HSPH1: variants seen among roughly 807,000 people sequenced by gnomAD.
HSPH1 encodes heat shock protein 105 kDa.
A neutral mutation model predicts 100.0 loss-of-function variants in HSPH1; 40 were observed. The observed-to-expected ratio is 0.40, with a 90% confidence interval of 0.31 to 0.52. HSPH1 has a LOEUF of 0.52. HSPH1 is among the 20% of genes least tolerant of loss of function. HSPH1 has a pLI of 0.54. For missense variants in HSPH1, 876 were observed against 1,015.1 expected (o/e 0.86, Z 1.86); for synonymous variants, 403 against 344.0 (o/e 1.17, Z -1.90).
At chr13:31,140,163 A>C in intron 14 of HSPH1, 21 bp downstream of exon 14, 1 of 1,600,786 alleles carries the variant, frequency 6.2e-7, no homozygotes. Flanking sequence ...ATCTGAACAA[A>C]AACAGAGCTC....
At chr13:31,146,706 G>C (rs1956275982) in intron 10 of HSPH1, among the ~76,000 whole-genome samples, 1 of 152,110 alleles carries the variant, frequency 6.6e-6, no homozygotes, top group Admixed American at 6.5e-5. Context: ...CTTGAATCCT[G>C]GCTGTGTGAC....
Position 31,137,124 on chromosome 13 carries a change from G to A in HSPH1, c.*194C>T. ...TTCACAATTCCACAGGAATCTGAAA[G>A]TTACCAAGGCAATTTTCCCTTTTAG... On this transcript the variant is annotated 3_prime_UTR_variant, in exon 18 of 18. Transcript: ENST00000320027. The A allele has an allele frequency of 1.4e-6, 1 of 735,662 alleles. No individual in the cohort carries two copies. The allele number at this position is 735,662 out of a possible 1,614,324, so 45.6% of individuals were successfully genotyped here.
chr13:31,155,340 A>G (rs1273727701), intron 3 of HSPH1, among the ~76,000 whole-genome samples, 174 bp downstream of exon 3: 1 of 152,242 alleles, frequency 6.6e-6, no homozygotes, highest in African/African-American at 2.4e-5. Context: ...TACCATTTGA[A>G]TAATATTCAA....
intron 6 of HSPH1, 180 bp from the exon 7 acceptor site, chr13:31,151,371 T>A: frequency 1.4e-6 from 1 of 697,730 alleles, no homozygotes; most frequent in Non-Finnish European, 2.3e-6. Flanking sequence ...TTTAAATGAC[T>A]ACATAGAAAA....
At position 31,148,439 on chromosome 13, in the gene HSPH1, G is replaced by A. The variant is rs569890209; in HGVS notation, c.1179C>T (p.Ser393=). ...LSPAFKVREF[S]VTDAVPFPIS... is the part of the protein sequence containing the mutation. ...TTGGAAAAGGAACTGCATCTGTGAC[G>A]GAAAATTCTCTAACTTTAAATGCCG... is the stretch of plus-strand genomic sequence containing the variant. Residue 393 remains serine (S), a synonymous_variant, in exon 9 of 18, where the codon TCC becomes TCT. Transcript: ENST00000320027. 1.3e-5 allele frequency: 20 copies of A among 1,570,452 alleles called. No homozygotes were observed. Among genetic ancestry groups the A allele is most frequent in the East Asian group, 7.0e-5 (3 of 42,850 alleles).
intron 13 of HSPH1, chr13:31,140,553 T>TAAAAAAAAA (rs35691238): frequency 1.3e-5 from 2 of 157,694 alleles, no homozygotes; most frequent in African/African-American, 2.7e-5. Context: ...TATTTAATGC[T>TAAAAAAAAA]AAAAAAAAAA....
In HSPH1 at chr13:31,152,946, G is replaced by A. The variant is rs151291094; in HGVS notation, c.435C>T (p.Pro145=). The A allele has an allele frequency of 8.6e-5, 139 of 1,609,620 alleles. No homozygotes were observed. The African/African-American group carries it at 1.7e-3, about 20-fold the overall frequency. ...GCCTCTCAGCATCTGTAAAGAAGGA[G>A]GGGACCTACAAACAAACAAAAAATT... The part of the protein sequence containing the change: ...KPVTDCVISV[P]SFFTDAERRS... The change falls in exon 5 of 18, where the codon CCC becomes CCT. Residue 145 remains proline (P), a synonymous_variant. Transcript: ENST00000320027.
chr13:31,161,683 T>C lies in HSPH1; in HGVS notation c.-101A>G. On this transcript the variant is annotated 5_prime_UTR_variant, in exon 1 of 18. Transcript: ENST00000320027. ...GCTTTCTGCCCTGGCCGCGTTCTGC[T>C]CCGGCCCGCGGGGTCTGGCCGTTCC... The C allele has an allele frequency of 6.4e-7, 1 of 1,553,782 alleles. No individual in the cohort carries two copies. Among genetic ancestry groups the C allele is most frequent in the Non-Finnish European group, 8.6e-7 (1 of 1,156,402 alleles).
chr13:31,137,078 G>A lies in HSPH1; in HGVS notation c.*240C>T, dbSNP rs778632415. On this transcript the variant is annotated 3_prime_UTR_variant, in exon 18 of 18. Transcript: ENST00000320027. Reference sequence around the variant, plus strand: ...CCTCAGTGATGCAAATGGTGAGACTGCACAGAAAGCTTAGTATGAATTCAC... The same window carrying A: ...CCTCAGTGATGCAAATGGTGAGACTACACAGAAAGCTTAGTATGAATTCAC... The A allele has an allele frequency of 1.5e-6, 1 of 667,092 alleles. No individual in the cohort carries two copies. The highest frequency in any genetic ancestry group is 1.5e-5 in the South Asian group (1 of 68,384). 41.3% of individuals were successfully genotyped at this position (667,092 alleles called of 1,614,324 possible). A position where few individuals can be genotyped will look rare whatever the true frequency, so the allele number is the denominator to read the frequency against.
chr13:31,139,449 A>AT (rs1398109450), intron 14 of HSPH1, among the ~76,000 whole-genome samples: 1 of 152,038 alleles, frequency 6.6e-6, no homozygotes, highest in Non-Finnish European at 1.5e-5. Flanking sequence ...ACATGAAAAA[A>AT]TCATTCCTAA....
At chr13:31,153,518 A>C (rs1315568837) in intron 4 of HSPH1, among the ~76,000 whole-genome samples, 1 of 152,208 alleles carries the variant, frequency 6.6e-6, no homozygotes, top group Non-Finnish European at 1.5e-5. Context: ...TAAGAGTAAA[A>C]ACAACCCAAG....
chr13:31,151,892 C>T, intron 5 of HSPH1, 150 bp from the exon 6 acceptor site: 1 of 610,462 alleles, frequency 1.6e-6, no homozygotes, highest in Non-Finnish European at 2.8e-6. Context: ...TGACTTCACA[C>T]TGATTTTCTT....
chr13:31,161,133 A>C (rs1446882225), intron 1 of HSPH1, among the ~76,000 whole-genome samples: 1 of 152,192 alleles, frequency 6.6e-6, no homozygotes, highest in African/African-American at 2.4e-5. Context: ...GCAGCCTGCC[A>C]AGAAAAGGGA....
rs1593217605 is a variant in HSPH1, at chr13:31,158,992, G to A, written c.108-129C>T. The stretch of plus-strand genomic sequence containing the variant: ...GGAACAAGCATAGCACAATTTTAAG[G>A]TCTATAGCTTTCATCAGATACTCAA... On this transcript the variant is annotated intron_variant, in intron 1 of 17. Coordinates refer to ENST00000320027, the MANE Select transcript of HSPH1 (RefSeq NM_006644.4). 5 of 601,650 alleles carry A rather than the reference G, an allele frequency of 8.3e-6. No homozygotes were observed. In the East Asian group the frequency reaches 1.4e-4, roughly 17 times the overall value. 37.3% of individuals were successfully genotyped at this position (601,650 alleles called of 1,614,324 possible). A position where few individuals can be genotyped will look rare whatever the true frequency, so the allele number is the denominator to read the frequency against.
At chr13:31,140,385 G>A (rs1956046367) in intron 13 of HSPH1, 76 bp from the exon 14 acceptor site, 12 of 1,402,374 alleles carry the variant, frequency 8.6e-6, no homozygotes, top group Non-Finnish European at 1.2e-5. Flanking sequence ...AGACTCTGGG[G>A]TTTAAAAAAA....
rs1237301807 is a variant in HSPH1, at chr13:31,138,914, T to C, written c.2089-14A>G. On this transcript the variant is annotated splice_polypyrimidine_tract_variant and intron_variant, in intron 15 of 17. Transcript: ENST00000320027. ...AGTGCCAATTTTCTAAAATAAAATG[T>C]AATAAATTAATAGTTATCATAATTT... The C allele has an allele frequency of 6.3e-7, 1 of 1,585,810 alleles. No homozygotes were observed. Among genetic ancestry groups the C allele is most frequent in the Non-Finnish European group, 8.6e-7 (1 of 1,163,490 alleles).
intron 1 of HSPH1, among the ~76,000 whole-genome samples, chr13:31,160,730 G>A (rs1467248492): frequency 6.6e-6 from 1 of 152,056 alleles, no homozygotes; most frequent in East Asian, 1.9e-4. Context: ...TAAATAAACT[G>A]TGCAAAATTA....
At chr13:31,149,351 T>C (rs1956394042) in intron 8 of HSPH1, among the ~76,000 whole-genome samples, 1 of 152,132 alleles carries the variant, frequency 6.6e-6, no homozygotes, top group Non-Finnish European at 1.5e-5. Flanking sequence ...AAAACTCAAA[T>C]GTTAACTTGA....
At chr13:31,156,469 C>A (rs192606832) in intron 2 of HSPH1, among the ~76,000 whole-genome samples, 1 of 151,548 alleles carries the variant, frequency 6.6e-6, no homozygotes, top group Admixed American at 6.6e-5. Context: ...GAGGCTGAGG[C>A]AGGAGAATCG....
Sources: gnomAD v4.1 joint callset for allele counts (sites outside exome capture counted in the v4.1 genomes callset) on GRCh38, gnomAD v4.1.1 for gene constraint, MANE v1.5 for transcripts, NCBI Gene and HGNC (gene_info 2026-07-23, HGNC 2026-07-21) for gene names.